The following MYO16 variants were observed in gnomAD, a reference collection of about 807,000 sequenced individuals.
MYO16 encodes myosin XVI.
Under a neutral mutation model 205.3 loss-of-function variants are expected in MYO16, and 94 were observed. The observed-to-expected ratio is 0.46, with a 90% CI of 0.39 to 0.54. MYO16 has a LOEUF of 0.54. MYO16 is among the 20% of genes least tolerant of loss of function. The pLI is 0.00. For missense variants in MYO16, 2,315 were observed against 2,387.5 expected (o/e 0.97, Z 0.63); for synonymous variants, 988 against 954.0 (o/e 1.04, Z -0.66).
intron 16 of MYO16, among the ~76,000 whole-genome samples, chr13:108,932,976 T>C (rs777883007): frequency 2.6e-5 from 4 of 152,030 alleles, no homozygotes; most frequent in Non-Finnish European, 5.9e-5. Flanking sequence ...GAGATACCCT[T>C]GGAGGATGTT....
chr13:108,725,657 C>A (rs1002096360), intron 3 of MYO16, among the ~76,000 whole-genome samples: 2 of 152,164 alleles, frequency 1.3e-5, no homozygotes, highest in African/African-American at 4.8e-5. Flanking sequence ...TCAGGCAGTT[C>A]TTTGCCTGAC....
chr13:108,911,066 C>CACAG lies in MYO16; in HGVS notation c.1925+917_1925+918insCAGA, dbSNP rs59417999. Among the ~76,000 whole-genome samples the CACAG allele has an allele frequency of 3.3e-3, 474 of 143,120 alleles. 1 individual carries two copies. The highest frequency in any genetic ancestry group is 4.7e-3 in the Non-Finnish European group (309 of 66,068). 93.9% of individuals were successfully genotyped at this position (143,120 alleles called of 152,430 possible). A position where few individuals can be genotyped will look rare whatever the true frequency, so the allele number is the denominator to read the frequency against. ...ACACACACACACACACACACACACA[C>CACAG]AGAGAGAGAGAAGGGTTGCTTCACT... On this transcript the variant is annotated intron_variant, in intron 16 of 34. Coordinates refer to ENST00000457511, the MANE Select transcript of MYO16 (RefSeq NM_001198950.3).
At chr13:108,583,331 CA>C in the MYO16 span, among the ~76,000 whole-genome samples, 1 of 152,198 alleles carries the variant, frequency 6.6e-6, no homozygotes. Context: ...ATCAAGTTGA[CA>C]GAGTTGATGG....
chr13:109,013,301 C>T (rs1885680827), intron 22 of MYO16, among the ~76,000 whole-genome samples: 1 of 151,932 alleles, frequency 6.6e-6, no homozygotes, highest in African/African-American at 2.4e-5. Flanking sequence ...TGAACTCATC[C>T]TTTTTTATGG....
In MYO16 at chr13:109,055,395, A is replaced by C; in HGVS notation, c.3135A>C (p.Ser1045=). 1 of 1,609,386 alleles carries C rather than the reference A, an allele frequency of 6.2e-7. No individual in the cohort carries two copies. The highest frequency in any genetic ancestry group is 8.5e-7 in the Non-Finnish European group (1 of 1,176,986). The change falls in exon 27 of 35, where the codon TCA becomes TCC. Residue 1045 remains serine (S), a synonymous_variant. Coordinates refer to ENST00000457511, the MANE Select transcript of MYO16 (RefSeq NM_001198950.3). The surrounding 1 kb of genome is among the most constrained non-coding windows in gnomAD (Gnocchi z 5.0). ...PVTIASQLRK[S]LMDIIGKLQK... is the part of the protein sequence containing the mutation. The stretch of plus-strand genomic sequence containing the variant: ...GGTTCTACTTCTCTCCTTAGAAATC[A>C]CTAATGGATATTATTGGAAAACTTC...
intron 16 of MYO16, among the ~76,000 whole-genome samples, chr13:108,925,845 TG>T (rs1190260223): frequency 2.0e-5 from 3 of 152,188 alleles, no homozygotes; most frequent in African/African-American, 7.2e-5. Context: ...CCCCACTGAG[TG>T]GTTCAGAGTG....
intron 32 of MYO16, among the ~76,000 whole-genome samples, chr13:109,147,053 C>T (rs982716730): frequency 6.6e-6 from 1 of 152,004 alleles, no homozygotes; most frequent in Non-Finnish European, 1.5e-5. Context: ...GCCTGATTCT[C>T]GAAGCCAGGG....
chr13:108,566,735 GAGGAAGGAAGGAAGGAAGGA>G, the MYO16 span, among the ~76,000 whole-genome samples: 3,457 of 134,218 alleles, frequency 0.026, 91 homozygotes, highest in South Asian at 0.12. Context: ...GGAAGGAAGG[GAGGAAGGAAGGAAGGAAGGA>G]AGGAAGGAAG....
At chr13:108,717,136 T>C (rs1883974790) in intron 3 of MYO16, among the ~76,000 whole-genome samples, 1 of 152,212 alleles carries the variant, frequency 6.6e-6, no homozygotes, top group Admixed American at 6.5e-5. Flanking sequence ...GCTAAAATGT[T>C]GTCCAGGGTT....
At chr13:108,650,959 C>A (rs1880975448) in intron 1 of MYO16, among the ~76,000 whole-genome samples, 1 of 152,210 alleles carries the variant, frequency 6.6e-6, no homozygotes, top group Non-Finnish European at 1.5e-5. Context: ...ATGTGCCAGA[C>A]CCTTGGCTGA....
intron 1 of MYO16, among the ~76,000 whole-genome samples, chr13:108,637,699 A>G (rs1209635972): frequency 6.6e-6 from 1 of 151,904 alleles, no homozygotes; most frequent in Admixed American, 6.6e-5. Context: ...ACATGGCAAA[A>G]CCCCATCTCT....
chr13:108,732,668 G>T (rs969277814), intron 4 of MYO16, among the ~76,000 whole-genome samples: 1 of 152,186 alleles, frequency 6.6e-6, no homozygotes, highest in African/African-American at 2.4e-5. Context: ...GGTGATTAGG[G>T]AAGCCCTGGG....
chr13:108,886,657 G>A (rs1460643358), intron 13 of MYO16, among the ~76,000 whole-genome samples: 1 of 151,732 alleles, frequency 6.6e-6, no homozygotes, highest in Non-Finnish European at 1.5e-5. Flanking sequence ...TTCCCTTGCT[G>A]CACGTGTGCT....
intron 24 of MYO16, among the ~76,000 whole-genome samples, chr13:109,049,925 CCTGTGTGTGTGTGTGT>C (rs1277636480): frequency 1.8e-5 from 2 of 113,334 alleles, no homozygotes; most frequent in Non-Finnish European, 3.7e-5. Context: ...CTTCCTTTGT[CCTGTGTGTGTGTGTGT>C]GTGTGTGTGT....
the MYO16 span, among the ~76,000 whole-genome samples, chr13:108,508,125 G>A: frequency 6.6e-6 from 1 of 150,904 alleles, no homozygotes; most frequent in South Asian, 2.1e-4. Context: ...CAAATTATTT[G>A]TTACATAATT....
chr13:108,953,389 G>A (rs1358600937), intron 16 of MYO16, among the ~76,000 whole-genome samples: 1 of 152,160 alleles, frequency 6.6e-6, no homozygotes, highest in African/African-American at 2.4e-5. Flanking sequence ...TAGTCATTCT[G>A]GGAAATACTC....
rs767150245 is a variant in MYO16 at position 109,046,919 on chromosome 13, A to C, written c.2800A>C (p.Met934Leu). ...FTIMHYAGRVMYDVVGAIEKN... is the reference protein window; with the variant it reads ...FTIMHYAGRVLYDVVGAIEKN... ...ATGCTGCTTTCTTTTATTCTAGGTA[A>C]TGTATGATGTTGTTGGGGCGATTGA... Residue 934 changes from methionine to leucine, a missense_variant, in exon 24 of 35, where the codon ATG becomes CTG. This residue lies in a region of MYO16 where 1,213 missense variants were observed against 1,274.4 expected (regional missense o/e 0.95). Transcript: ENST00000457511. 13 of 1,602,276 alleles carry C rather than the reference A, an allele frequency of 8.1e-6. No homozygotes were observed. Among genetic ancestry groups the C allele is most frequent in the Non-Finnish European group, 1.1e-5 (13 of 1,169,616 alleles).
At chr13:109,187,242 T>C (rs1267188414) in intron 34 of MYO16, among the ~76,000 whole-genome samples, 1 of 152,354 alleles carries the variant, frequency 6.6e-6, no homozygotes, top group East Asian at 1.9e-4. Context: ...TCCTTGCCAG[T>C]TTCATGCATG....
intron 6 of MYO16, among the ~76,000 whole-genome samples, chr13:108,803,361 T>C (rs1426741916): frequency 6.6e-6 from 1 of 152,200 alleles, no homozygotes; most frequent in African/African-American, 2.4e-5. Context: ...CTATCTTTTA[T>C]TTGGGAAAAT....
Sources: gnomAD v4.1 joint callset for allele counts (sites outside exome capture counted in the v4.1 genomes callset) on GRCh38, gnomAD v4.1.1 for gene constraint, gnomAD v4.1.1 regional missense constraint, Gnocchi (gnomAD v3.1) non-coding constraint, MANE v1.5 for transcripts, NCBI Gene and HGNC (gene_info 2026-07-23, HGNC 2026-07-21) for gene names.